Variants in NAALADL2 observed in about 807,000 individuals in gnomAD.
NAALADL2 encodes inactive N-acetylated-alpha-linked acidic dipeptidase-like protein 2.
Under a neutral mutation model 87.2 loss-of-function variants are expected in NAALADL2, and 76 were observed. The observed-to-expected ratio is 0.87, with a 90% CI of 0.72 to 1.05. The LOEUF (loss-of-function observed/expected upper bound fraction) is 1.05. Ranked by LOEUF, NAALADL2 falls within the 50% of genes least tolerant of loss-of-function variation. NAALADL2 has a pLI of 0.00. For missense variants in NAALADL2, 1,089 were observed against 945.8 expected, an observed-to-expected ratio of 1.15 and a Z score of -1.99; for synonymous variants, 354 against 331.0, an observed-to-expected ratio of 1.07 and a Z score of -0.75.
chr3:174,826,694 T>A (rs1194686751), intron 3 of NAALADL2, among the ~76,000 whole-genome samples: 2 of 152,210 alleles, frequency 1.3e-5, no homozygotes, highest in African/African-American at 4.8e-5. Context: ...AGGGTTTTTG[T>A]AAGAATAAAA....
At chr3:174,870,525 A>G (rs984229923) in intron 1 of NAALADL2, among the ~76,000 whole-genome samples, 59 of 152,130 alleles carry the variant, frequency 3.9e-4, no homozygotes, top group African/African-American at 1.4e-3. Flanking sequence ...AGACATTTGG[A>G]TAATCCGTGA....
chr3:175,463,150 T>C (rs73884418), intron 6 of NAALADL2, among the ~76,000 whole-genome samples: 10,657 of 152,218 alleles, frequency 0.07, 577 homozygotes, highest in East Asian at 0.24. Flanking sequence ...TTTAGAAGTG[T>C]CTATTTATGG....
intron 5 of NAALADL2, among the ~76,000 whole-genome samples, chr3:175,337,562 C>G (rs1024791644): frequency 4.6e-5 from 7 of 151,984 alleles, no homozygotes; most frequent in Admixed American, 1.3e-4. Flanking sequence ...ATCTACAAGG[C>G]CAGGAGAGAG....
intron 2 of NAALADL2, among the ~76,000 whole-genome samples, chr3:174,593,732 C>G (rs547858539): frequency 6.6e-6 from 1 of 152,092 alleles, no homozygotes. Context: ...CATTCATGGA[C>G]TTTTATGACC....
At chr3:174,500,885 C>A (rs1006491932) in intron 1 of NAALADL2, among the ~76,000 whole-genome samples, 2 of 145,662 alleles carry the variant, frequency 1.4e-5, no homozygotes, top group African/African-American at 5.1e-5. Context: ...GATATGGAGT[C>A]TGGCTCTGTC....
At position 175,463,487 on chromosome 3, in the gene NAALADL2, T is replaced by A. The variant is rs773908747; in HGVS notation, c.1321T>A (p.Ser441Thr). ...TGTTGGATTTGTAATGGGCTTGACATCTCCAGGTAAGTAGGGTTGAAAATT... is the reference window on the plus strand; with the variant it reads ...TGTTGGATTTGTAATGGGCTTGACAACTCCAGGTAAGTAGGGTTGAAAATT... ...NVVGFVMGLT[S>T]PDRYIIVGSH... The change falls in exon 7 of 14, where the codon TCT (serine) becomes ACT (threonine). Residue 441 changes from serine (S) to threonine (T), a missense_variant. Transcript: ENST00000454872. 1.9e-6 allele frequency: 3 copies of A among 1,577,256 alleles called. No homozygotes were observed. Among genetic ancestry groups the A allele is most frequent in the Non-Finnish European group, 2.6e-6 (3 of 1,155,128 alleles).
At chr3:175,681,720 G>A (rs556952960) in intron 11 of NAALADL2, among the ~76,000 whole-genome samples, 1 of 152,186 alleles carries the variant, frequency 6.6e-6, no homozygotes, top group East Asian at 1.9e-4. Context: ...ACCAATACAG[G>A]CAATGGCAAT....
At position 175,323,255 on chromosome 3, in the gene NAALADL2, G is replaced by A. The variant is rs1316590123; in HGVS notation, c.940-920G>A. ...TCGCAAGAACAAAAAACCAAACACC[G>A]CATATTCTCACTCATAGGTGGGAAT... On this transcript the variant is annotated intron_variant, in intron 4 of 13. Coordinates refer to ENST00000454872, the MANE Select transcript of NAALADL2 (RefSeq NM_207015.3). Among the ~76,000 whole-genome samples, 458 of 142,222 alleles carry A rather than the reference G, an allele frequency of 3.2e-3. 5 individuals are homozygous for A. Among genetic ancestry groups the A allele is most frequent in the African/African-American group, 0.011 (423 of 38,128 alleles). The allele number at this position is 142,222 out of a possible 152,430, so 93.3% of individuals were successfully genotyped here.
chr3:175,069,094 G>A (rs1407531116), intron 1 of NAALADL2, among the ~76,000 whole-genome samples: 2 of 151,846 alleles, frequency 1.3e-5, no homozygotes, highest in African/African-American at 4.9e-5. Context: ...TCAGGACATA[G>A]GCATGGGCAA....
chr3:174,610,130 G>A (rs1477653942), intron 2 of NAALADL2, among the ~76,000 whole-genome samples: 2 of 150,470 alleles, frequency 1.3e-5, no homozygotes, highest in Non-Finnish European at 3.0e-5. Flanking sequence ...GCTGTAACTG[G>A]ATCCCTTCCT....
chr3:175,389,357 GTACTC>G (rs537276512), intron 5 of NAALADL2, among the ~76,000 whole-genome samples: 27 of 152,148 alleles, frequency 1.8e-4, no homozygotes, highest in Non-Finnish European at 3.2e-4. Context: ...AATAAACACT[GTACTC>G]TACCTTCATC....
At chr3:174,839,050 C>CA (rs1723704767) in intron 3 of NAALADL2, among the ~76,000 whole-genome samples, 1 of 152,036 alleles carries the variant, frequency 6.6e-6, no homozygotes, top group South Asian at 2.1e-4. Context: ...CAAGACTAAG[C>CA]AAAAAGAAGA....
intron 11 of NAALADL2, 133 bp from the exon 12 acceptor site, chr3:175,737,173 T>C (rs1412244918): frequency 7.1e-6 from 4 of 565,076 alleles, no homozygotes; most frequent in Non-Finnish European, 1.2e-5. Flanking sequence ...AAAAGAGATT[T>C]TATAAAACTA....
intron 1 of NAALADL2, among the ~76,000 whole-genome samples, chr3:174,958,320 A>G (rs770277682): frequency 8.6e-5 from 13 of 151,930 alleles, no homozygotes; most frequent in Non-Finnish European, 1.6e-4. Flanking sequence ...CCCAATAGCT[A>G]TTTATTGAAT....
At chr3:175,421,751 A>C (rs1715735799) in intron 5 of NAALADL2, among the ~76,000 whole-genome samples, 1 of 152,120 alleles carries the variant, frequency 6.6e-6, no homozygotes, top group Non-Finnish European at 1.5e-5. Context: ...AAAAAACTAA[A>C]GCAGAGTAAG....
intron 1 of NAALADL2, among the ~76,000 whole-genome samples, chr3:174,958,189 A>G (rs1451612269): frequency 6.7e-6 from 1 of 150,046 alleles, no homozygotes; most frequent in Non-Finnish European, 1.5e-5. Context: ...TTACAAGTCT[A>G]TCTTTGCCTA....
intron 1 of NAALADL2, among the ~76,000 whole-genome samples, chr3:174,927,992 C>A (rs1027362065): frequency 6.6e-6 from 1 of 152,082 alleles, no homozygotes; most frequent in East Asian, 1.9e-4. Flanking sequence ...AAATTAAAGA[C>A]AGATAACTAT....
chr3:174,878,867 A>C (rs1284277414), intron 1 of NAALADL2, among the ~76,000 whole-genome samples: 1 of 152,104 alleles, frequency 6.6e-6, no homozygotes, highest in African/African-American at 2.4e-5. Flanking sequence ...CAAAACAATA[A>C]TAAAAAGAAT....
At chr3:174,526,823 T>C (rs1720803494) in intron 1 of NAALADL2, among the ~76,000 whole-genome samples, 1 of 151,958 alleles carries the variant, frequency 6.6e-6, no homozygotes, top group African/African-American at 2.4e-5. Flanking sequence ...ATTACAGGCA[T>C]GTGCCCCCAC....
Sources: gnomAD v4.1 joint callset for allele counts (sites outside exome capture counted in the v4.1 genomes callset) on GRCh38, gnomAD v4.1.1 for gene constraint, MANE v1.5 for transcripts, NCBI Gene and HGNC (gene_info 2026-07-23, HGNC 2026-07-21) for gene names.